TLN1: variants seen among roughly 807,000 people sequenced by gnomAD.
TLN1 encodes the protein talin 1.
In TLN1, 56 loss-of-function variants were observed where a neutral mutation model predicts 292.3. The observed-to-expected ratio is 0.19, with a 90% CI of 0.15 to 0.24. TLN1 has a LOEUF of 0.24. Ranked by LOEUF, TLN1 falls within the 10% of genes least tolerant of loss-of-function variation. The pLI, the probability that TLN1 is intolerant of heterozygous loss-of-function variation, is 1.00. For synonymous variants in TLN1, 1,119 were observed against 1,253.7 expected, an observed-to-expected ratio of 0.89 and a Z score of 2.27; for missense variants, 2,433 against 3,248.2, an observed-to-expected ratio of 0.75 and a Z score of 6.10.
rs1463973984 is a variant in TLN1, at chr9:35,698,948, G to C, written c.7000-15C>G. Reference sequence around the variant, plus strand: ...TCATCTGCCTCCTGCAATAAGCGAAGGTTGCAGAAAGAGATGTAAAGTCAG... The same window carrying C: ...TCATCTGCCTCCTGCAATAAGCGAACGTTGCAGAAAGAGATGTAAAGTCAG... On this transcript the variant is annotated splice_polypyrimidine_tract_variant and intron_variant, in intron 52 of 56. Coordinates refer to ENST00000314888, the MANE Select transcript of TLN1 (RefSeq NM_006289.4). The surrounding 1 kb of genome is among the most constrained non-coding windows in gnomAD (Gnocchi z 5.3). 10 of 1,612,744 alleles carry C rather than the reference G, an allele frequency of 6.2e-6. No individual in the cohort carries two copies. Among genetic ancestry groups the C allele is most frequent in the Non-Finnish European group, 8.5e-6 (10 of 1,178,900 alleles).
At chr9:35,709,132 T>C (rs1047012935) in intron 33 of TLN1, among the ~76,000 whole-genome samples, 3 of 152,094 alleles carry the variant, frequency 2.0e-5, no homozygotes, top group Non-Finnish European at 4.4e-5. Context: ...CTGTCTCTAC[T>C]AAAAATACAA....
intron 11 of TLN1, 86 bp from the exon 12 acceptor site, chr9:35,720,595 C>T: frequency 2.9e-6 from 4 of 1,366,430 alleles, no homozygotes; most frequent in Non-Finnish European, 3.1e-6. Flanking sequence ...CCATAACCAG[C>T]CATTTTCCAG....
chr9:35,725,673 T>C lies in TLN1; in HGVS notation c.22A>G (p.Ile8Val). ...GTCTTCACCACATTCCCAATGCTGA[T>C]CTTCAGTGAAAGTGCAACCATGGTG... is the stretch of plus-strand genomic sequence containing the variant. Reference protein sequence around the residue: MVALSLKISIGNVVKTMQ... With the variant: MVALSLKVSIGNVVKTMQ... The change falls in exon 2 of 57, where the codon ATC becomes GTC. Residue 8 changes from isoleucine to valine, a missense_variant. Coordinates refer to ENST00000314888, the MANE Select transcript of TLN1 (RefSeq NM_006289.4). 1 of 1,613,788 alleles carries C rather than the reference T, an allele frequency of 6.2e-7. No homozygotes were observed. Among genetic ancestry groups the C allele is most frequent in the Non-Finnish European group, 8.5e-7 (1 of 1,179,912 alleles).
chr9:35,698,898 T>G lies in TLN1; in HGVS notation c.7035A>C (p.Ile2345=), dbSNP rs769090507. ...CTGCAATGGACTTGGCAGCTTCTAG[T>G]ATCTGCTCCTCAAAGTTCAAGGACT... ...ADESLNFEEQ[I]LEAAKSIAAA... The change falls in exon 53 of 57, where the codon ATA becomes ATC. Residue 2345 remains isoleucine (I), a synonymous_variant. Coordinates refer to ENST00000314888, the MANE Select transcript of TLN1 (RefSeq NM_006289.4). This position sits in a 1 kb window ranked among gnomAD's most constrained non-coding sequence, Gnocchi z 5.3. The G allele has an allele frequency of 1.2e-6, 2 of 1,614,172 alleles. No homozygotes were observed. Among genetic ancestry groups the G allele is most frequent in the Admixed American group, 3.3e-5 (2 of 60,028 alleles).
At position 35,699,587 on chromosome 9, in the gene TLN1, C is replaced by CT; in HGVS notation, c.6769-127dup. On this transcript the variant is annotated intron_variant, in intron 50 of 56. Transcript: ENST00000314888. The surrounding 1 kb of genome is among the most constrained non-coding windows in gnomAD (Gnocchi z 4.0). ...AGCACTCCACACCATAGCCCTCAAA[C>CT]TCCACGCTGCCTATCCAAGTACACA... The CT allele has an allele frequency of 7.0e-7, 1 of 1,432,996 alleles. No homozygotes were observed. Among genetic ancestry groups the CT allele is most frequent in the Non-Finnish European group, 9.1e-7 (1 of 1,095,440 alleles). 88.8% of individuals were successfully genotyped at this position (1,432,996 alleles called of 1,614,324 possible).
At chr9:35,720,262 C>T in intron 12 of TLN1, 43 bp from the exon 13 acceptor site, 1 of 1,550,024 alleles carries the variant, frequency 6.5e-7, no homozygotes, top group Non-Finnish European at 8.7e-7. Flanking sequence ...GACTCCTCAT[C>T]TCTACCCGTC....
In TLN1 at chr9:35,717,572, G is replaced by T. The variant is rs774678298; in HGVS notation, c.2163+47C>A. 1.9e-6 allele frequency: 3 copies of T among 1,589,734 alleles called. No individual in the cohort carries two copies. The highest frequency in any genetic ancestry group is 3.4e-5 in the Admixed American group (2 of 58,972). Reference sequence around the variant, plus strand: ...TAAAATGAAAGGCTCACGTGTGTGTGGTAGTATTACCCCTCAGCACGGACT... The same window carrying T: ...TAAAATGAAAGGCTCACGTGTGTGTTGTAGTATTACCCCTCAGCACGGACT... On this transcript the variant is annotated intron_variant, in intron 18 of 56. Transcript: ENST00000314888. The surrounding 1 kb of genome is among the most constrained non-coding windows in gnomAD (Gnocchi z 4.7).
chr9:35,716,668 C>A, intron 19 of TLN1, 112 bp from the exon 20 acceptor site: 1 of 1,170,424 alleles, frequency 8.5e-7, no homozygotes, highest in Non-Finnish European at 1.2e-6. Flanking sequence ...GCTTTAGGGA[C>A]AGAAAAAGAG....
In TLN1 at chr9:35,725,568, G is replaced by A. The variant is rs759553785; in HGVS notation, c.127C>T (p.Pro43Ser). 1 of 1,612,236 alleles carries A rather than the reference G, an allele frequency of 6.2e-7. No homozygotes were observed. The highest frequency in any genetic ancestry group is 8.5e-7 in the Non-Finnish European group (1 of 1,178,796). Residue 43 changes from proline (P) to serine (S), a missense_variant, in exon 2 of 57, where the codon CCT (proline) becomes TCT (serine). Transcript: ENST00000314888. ...CCACCGGGGGAGTCAGACTCACGAG[G>A]ACCAGCTGGGGCCTCTGGGATCCGC... The part of the protein sequence containing the change: ...RERIPEAPAG[P>S]PSDFGLFLSD...
Position 35,704,989 on chromosome 9 carries a change from G to A in TLN1, c.5734-174C>T, listed in dbSNP as rs1052039340. Among the ~76,000 whole-genome samples, 1 of 152,228 alleles carries A rather than the reference G, an allele frequency of 6.6e-6. No individual in the cohort carries two copies. Among genetic ancestry groups the A allele is most frequent in the African/African-American group, 2.4e-5 (1 of 41,462 alleles). The stretch of plus-strand genomic sequence containing the variant: ...CCGGTTGCATATCCTTTAGGCAGAA[G>A]GTCACCTCCTACACACAGAAAATAG... On this transcript the variant is annotated intron_variant, in intron 43 of 56. Coordinates refer to ENST00000314888, the MANE Select transcript of TLN1 (RefSeq NM_006289.4). The surrounding 1 kb of genome is among the most constrained non-coding windows in gnomAD (Gnocchi z 6.9).
At position 35,699,236 on chromosome 9, in the gene TLN1, C is replaced by T. The variant is rs557591653; in HGVS notation, c.6875-80G>A. Reference sequence around the variant, plus strand: ...CACCAGGGAGCATGGTTAGTATCATCAGGCCCTGGCATCTGTGGGGACTAT... The same window carrying T: ...CACCAGGGAGCATGGTTAGTATCATTAGGCCCTGGCATCTGTGGGGACTAT... On this transcript the variant is annotated intron_variant, in intron 51 of 56. Transcript: ENST00000314888. The surrounding 1 kb of genome is among the most constrained non-coding windows in gnomAD (Gnocchi z 4.0). The T allele has an allele frequency of 2.6e-6, 4 of 1,560,786 alleles. No individual in the cohort carries two copies. In the African/African-American group the frequency reaches 5.5e-5, roughly 21 times the overall value.
At chr9:35,712,798 C>G in intron 27 of TLN1, 37 bp downstream of exon 27, 1 of 1,531,976 alleles carries the variant, frequency 6.5e-7, no homozygotes, top group Non-Finnish European at 8.8e-7. Flanking sequence ...ATGAAGGAAC[C>G]TGGGGGAGAG....
rs753740930 is a variant in TLN1 at position 35,714,900 on chromosome 9, C to G, written c.2755-24G>C. On this transcript the variant is annotated intron_variant, in intron 21 of 56. Transcript: ENST00000314888. This position sits in a 1 kb window ranked among gnomAD's most constrained non-coding sequence, Gnocchi z 4.6. ...TGCTGTGAAGACAAGAGTAGTCAGA[C>G]CAAGCCCATGGATTCCCATGCCCAG... is the stretch of plus-strand genomic sequence containing the variant. 1.4e-5 allele frequency: 22 copies of G among 1,592,712 alleles called. 3 individuals carry two copies. In the South Asian group the frequency reaches 2.5e-4, roughly 18 times the overall value.
intron 43 of TLN1, among the ~76,000 whole-genome samples, 164 bp downstream of exon 43, chr9:35,705,387 G>C (rs767258607): frequency 4.6e-5 from 7 of 152,168 alleles, no homozygotes; most frequent in Admixed American, 2.0e-4. Context: ...TGAAGGCTTT[G>C]ATCCTCTGTC....
At position 35,712,021 on chromosome 9, in the gene TLN1, C is replaced by T. The variant is rs745401805; in HGVS notation, c.3665G>A (p.Arg1222Gln). 2.5e-6 allele frequency: 4 copies of T among 1,613,976 alleles called. No individual in the cohort carries two copies. Among genetic ancestry groups the T allele is most frequent in the South Asian group, 2.2e-5 (2 of 91,056 alleles). Residue 1222 changes from arginine (R) to glutamine (Q), a missense_variant, in exon 28 of 57, where the codon CGA becomes CAA. Physicochemically the swap from Arg to Gln is conservative, Grantham distance 43. Around this residue, in one of 7 missense-constraint regions of TLN1, gnomAD observed 1,384 missense variants for 1,699.6 expected, o/e 0.81. Transcript: ENST00000314888. ...ALRAVGDASKRLLSDSLPPST... is the reference protein window; with the variant it reads ...ALRAVGDASKQLLSDSLPPST... ...TCCTCCTACCGAGTCACTCAGGAGT[C>T]GCTTGCTGGCATCTCCAACTGCCCT...
chr9:35,704,675 A>G lies in TLN1; in HGVS notation c.5874T>C (p.Ser1958=), dbSNP rs373124046. Residue 1958 remains serine (S), a synonymous_variant, in exon 44 of 57, where the codon TCT becomes TCC. Transcript: ENST00000314888. The surrounding 1 kb of genome is among the most constrained non-coding windows in gnomAD (Gnocchi z 6.9). ...CAGGGATGAGCACCGTCACCTTCTC[A>G]GAGACTCTCCGGGCACACTCTATGA... ...KELIECARRV[S]EKVSHVLAAL... is the part of the protein sequence containing the mutation. 40 of 1,613,912 alleles carry G rather than the reference A, an allele frequency of 2.5e-5. No homozygotes were observed. The African/African-American group carries it at 4.1e-4, about 17-fold the overall frequency.
rs754936698 is a variant in TLN1, at chr9:35,717,471, G to A, written c.2164-31C>T. 1 of 1,601,274 alleles carries A rather than the reference G, an allele frequency of 6.2e-7. No individual in the cohort carries two copies. Among genetic ancestry groups the A allele is most frequent in the South Asian group, 1.1e-5 (1 of 89,866 alleles). ...GGTAAAGTGAATGTCAGAGACGTAG[G>A]CAAGGGAAAGGAGGTAGAGTATGCT... On this transcript the variant is annotated intron_variant, in intron 18 of 56. Transcript: ENST00000314888. The surrounding 1 kb of genome is among the most constrained non-coding windows in gnomAD (Gnocchi z 4.7).
At chr9:35,730,131 G>A in intron 1 of TLN1, among the ~76,000 whole-genome samples, 1 of 151,698 alleles carries the variant, frequency 6.6e-6, no homozygotes, top group East Asian at 1.9e-4. Context: ...GGTGAGGTCA[G>A]AGGCCAGGTC....
Position 35,718,927 on chromosome 9 carries a change from C to T in TLN1, c.1897-17G>A. On this transcript the variant is annotated splice_polypyrimidine_tract_variant and intron_variant, in intron 16 of 56. Coordinates refer to ENST00000314888, the MANE Select transcript of TLN1 (RefSeq NM_006289.4). Reference sequence around the variant, plus strand: ...CTGACGGGGCTGTGGAGAGTGAACACCAGTCAGAAGCTGCCCAATCCCTGC... The same window carrying T: ...CTGACGGGGCTGTGGAGAGTGAACATCAGTCAGAAGCTGCCCAATCCCTGC... 1 of 1,609,380 alleles carries T rather than the reference C, an allele frequency of 6.2e-7. No homozygotes were observed.
Sources: allele counts gnomAD v4.1 joint callset (sites outside exome capture counted in the v4.1 genomes callset), GRCh38; gene constraint gnomAD v4.1.1; regional missense constraint gnomAD v4.1.1; non-coding constraint Gnocchi (gnomAD v3.1); transcripts MANE v1.5; gene names NCBI Gene and HGNC (gene_info 2026-07-23, HGNC 2026-07-21).